SPAG16: variants seen among roughly 807,000 people sequenced by gnomAD.
SPAG16 encodes sperm associated antigen 16, also known as sperm-associated antigen 16 protein.
In SPAG16, 86 loss-of-function variants were observed where a neutral mutation model predicts 80.4. The ratio of observed to expected loss-of-function variants is 1.07; its 90% CI spans 0.90 to 1.28. SPAG16 has a LOEUF of 1.28. SPAG16 is among the 50% of genes most tolerant of loss of function. SPAG16 has a pLI of 0.00. For synonymous variants in SPAG16, 294 were observed against 265.9 expected (o/e 1.11, Z -1.03); for missense variants, 870 against 765.3 (o/e 1.14, Z -1.61).
At chr2:213,956,980 C>T (rs1202065081) in intron 12 of SPAG16, among the ~76,000 whole-genome samples, 3 of 152,056 alleles carry the variant, frequency 2.0e-5, no homozygotes, top group Admixed American at 6.6e-5. Flanking sequence ...AACTTCATCT[C>T]GTTGTACTCA....
chr2:214,058,879 A>G (rs1329923887), intron 13 of SPAG16, among the ~76,000 whole-genome samples: 1 of 152,060 alleles, frequency 6.6e-6, no homozygotes, highest in African/African-American at 2.4e-5. Flanking sequence ...TGTATAACAC[A>G]AGTTAAGGGA....
At chr2:213,972,246 A>G (rs1486379866) in intron 12 of SPAG16, among the ~76,000 whole-genome samples, 1 of 150,622 alleles carries the variant, frequency 6.6e-6, no homozygotes, top group East Asian at 1.9e-4. Flanking sequence ...GAGAAAAAGA[A>G]CCCATAGGAG....
chr2:214,273,433 T>G (rs1358434926), intron 15 of SPAG16, among the ~76,000 whole-genome samples: 1 of 152,194 alleles, frequency 6.6e-6, no homozygotes, highest in Non-Finnish European at 1.5e-5. Flanking sequence ...AGGTCTAACA[T>G]TTAAGTCTTT....
At chr2:214,131,218 A>T (rs1189276632) in intron 14 of SPAG16, among the ~76,000 whole-genome samples, 1 of 152,058 alleles carries the variant, frequency 6.6e-6, no homozygotes, top group Admixed American at 6.6e-5. Flanking sequence ...TACCAAAAAA[A>T]AGTAGCTGGG....
chr2:214,355,304 T>A (rs1169196425), intron 15 of SPAG16, among the ~76,000 whole-genome samples: 1 of 83,046 alleles, frequency 1.2e-5, no homozygotes, highest in Non-Finnish European at 2.8e-5. Context: ...GAATCTACGA[T>A]GAACTCAAAC....
At chr2:214,114,088 C>T (rs539301105) in intron 14 of SPAG16, among the ~76,000 whole-genome samples, 1 of 152,276 alleles carries the variant, frequency 6.6e-6, no homozygotes, top group Admixed American at 6.5e-5. Flanking sequence ...GGTCCCTCAG[C>T]TGTAGGTCTG....
chr2:213,578,261 A>T (rs969781050), intron 10 of SPAG16, among the ~76,000 whole-genome samples: 1 of 152,120 alleles, frequency 6.6e-6, no homozygotes, highest in African/African-American at 2.4e-5. Flanking sequence ...TATAATTTCA[A>T]TATTGATGAT....
intron 15 of SPAG16, among the ~76,000 whole-genome samples, chr2:214,319,423 G>C (rs1053536790): frequency 8.6e-5 from 13 of 151,026 alleles, no homozygotes; most frequent in Non-Finnish European, 1.2e-4. Context: ...GAGCAGAAGA[G>C]AAGAGACTAG....
intron 15 of SPAG16, among the ~76,000 whole-genome samples, chr2:214,381,931 C>T (rs1215562215): frequency 3.9e-5 from 6 of 152,214 alleles, no homozygotes; most frequent in Admixed American, 1.3e-4. Context: ...AACCAGGCCT[C>T]GCTTTGCATC....
chr2:214,294,218 C>T (rs796515332), intron 15 of SPAG16, among the ~76,000 whole-genome samples: 15 of 152,230 alleles, frequency 9.9e-5, no homozygotes, highest in African/African-American at 3.6e-4. Flanking sequence ...TCGTGGGTGC[C>T]GAGGGGCTTG....
chr2:213,776,816 G>A (rs2069607986), intron 10 of SPAG16, among the ~76,000 whole-genome samples: 3 of 134,882 alleles, frequency 2.2e-5, no homozygotes, highest in Non-Finnish European at 4.8e-5. Flanking sequence ...TCTTACCAGC[G>A]TTCTATGCCA....
intron 11 of SPAG16, among the ~76,000 whole-genome samples, chr2:213,910,155 C>T (rs1047763370): frequency 6.6e-6 from 1 of 152,132 alleles, no homozygotes; most frequent in Admixed American, 6.6e-5. Flanking sequence ...GGTAACAGAA[C>T]ATTGTGACTA....
chr2:213,501,713 T>A (rs908702999), intron 10 of SPAG16, among the ~76,000 whole-genome samples: 1 of 152,190 alleles, frequency 6.6e-6, no homozygotes, highest in Non-Finnish European at 1.5e-5. Flanking sequence ...GACAATAGAG[T>A]ATACTTTTCC....
At chr2:214,237,484 A>C (rs1689158536) in intron 15 of SPAG16, among the ~76,000 whole-genome samples, 1 of 152,158 alleles carries the variant, frequency 6.6e-6, no homozygotes. Context: ...TGAATTTGTA[A>C]AGGGAACTGT....
At chr2:213,470,939 T>C (rs886950942) in intron 9 of SPAG16, among the ~76,000 whole-genome samples, 24 of 152,252 alleles carry the variant, frequency 1.6e-4, no homozygotes, top group African/African-American at 5.3e-4. Context: ...TCCACATCCC[T>C]GATCATCAAG....
chr2:213,869,261 A>AT (rs1197718319), intron 11 of SPAG16, among the ~76,000 whole-genome samples: 15 of 75,930 alleles, frequency 2.0e-4, no homozygotes, highest in African/African-American at 4.8e-4. Context: ...GTCAAAAAAA[A>AT]AAAATATATA....
At chr2:213,297,970 T>C (rs1289196922) in intron 3 of SPAG16, among the ~76,000 whole-genome samples, 1 of 152,218 alleles carries the variant, frequency 6.6e-6, no homozygotes, top group African/African-American at 2.4e-5. Flanking sequence ...TCTTTCAGTG[T>C]TTAACCCCTT....
intron 15 of SPAG16, among the ~76,000 whole-genome samples, chr2:214,228,624 A>G (rs1688462386): frequency 6.6e-6 from 1 of 151,786 alleles, no homozygotes; most frequent in East Asian, 1.9e-4. Context: ...TGCAAACTCT[A>G]TCACCCCAGA....
At chr2:214,091,360 A>C (rs1195379447) in intron 13 of SPAG16, among the ~76,000 whole-genome samples, 1 of 152,154 alleles carries the variant, frequency 6.6e-6, no homozygotes, top group Non-Finnish European at 1.5e-5. Context: ...CAACTTACCA[A>C]GCTGGGAAAG....
Sources: allele counts gnomAD v4.1 joint callset (sites outside exome capture counted in the v4.1 genomes callset), GRCh38; gene constraint gnomAD v4.1.1; transcripts MANE v1.5; gene names NCBI Gene and HGNC (gene_info 2026-07-23, HGNC 2026-07-21).